Variants in CHST11 observed in about 807,000 individuals in gnomAD.
CHST11 encodes the protein C4S-1.
CHST11 carries 9 observed loss-of-function variants against 30.4 expected under a neutral mutation model. That is an observed-to-expected ratio of 0.30 (90% confidence interval 0.18 to 0.52). The LOEUF is 0.52. Among genes scored for constraint, CHST11 ranks in the 20% least tolerant of loss-of-function variants. The probability of loss-of-function intolerance (pLI) is 0.97; values close to 1 mark genes in which losing one functional copy is unlikely to be tolerated. For synonymous variants in CHST11, 152 were observed against 187.8 expected (o/e 0.81, Z 1.56); for missense variants, 348 against 460.6 (o/e 0.76, Z 2.24).
At chr12:104,563,942 C>T (rs2136018429) in intron 1 of CHST11, among the ~76,000 whole-genome samples, 1 of 152,096 alleles carries the variant, frequency 6.6e-6, no homozygotes, top group East Asian at 1.9e-4. Flanking sequence ...TAGTTACCCT[C>T]TGTGTAAGTG....
At chr12:104,756,508 A>C (rs1313733945) in intron 2 of CHST11, among the ~76,000 whole-genome samples, 1 of 144,418 alleles carries the variant, frequency 6.9e-6, no homozygotes, top group East Asian at 2.0e-4. Context: ...CACTTTATAC[A>C]TCATGAGGTC....
intron 2 of CHST11, among the ~76,000 whole-genome samples, chr12:104,718,662 C>T (rs1241222888): frequency 6.6e-6 from 1 of 152,196 alleles, no homozygotes; most frequent in Non-Finnish European, 1.5e-5. Context: ...GCAATCACTC[C>T]TACTTTAGAA....
intron 2 of CHST11, among the ~76,000 whole-genome samples, chr12:104,609,409 GA>G (rs2039037273): frequency 6.6e-6 from 1 of 152,182 alleles, no homozygotes; most frequent in Non-Finnish European, 1.5e-5. Flanking sequence ...ATAGACTAGC[GA>G]GGCCCATTGC....
At chr12:104,683,041 A>C (rs1398811083) in intron 2 of CHST11, among the ~76,000 whole-genome samples, 1 of 152,244 alleles carries the variant, frequency 6.6e-6, no homozygotes, top group African/African-American at 2.4e-5. Context: ...AAGATGTACA[A>C]ACCTCAAAAG....
intron 2 of CHST11, among the ~76,000 whole-genome samples, chr12:104,704,359 G>A (rs1592848649): frequency 6.6e-6 from 1 of 152,208 alleles, no homozygotes; most frequent in Non-Finnish European, 1.5e-5. Context: ...TGGGGCGGGG[G>A]AGGCTGCAGG....
chr12:104,753,308 G>A (rs2136147110), intron 2 of CHST11, among the ~76,000 whole-genome samples: 1 of 152,312 alleles, frequency 6.6e-6, no homozygotes, highest in Non-Finnish European at 1.5e-5. Flanking sequence ...GTAAAATGGA[G>A]ATCCTAATAA....
intron 2 of CHST11, among the ~76,000 whole-genome samples, chr12:104,624,087 C>T (rs918903024): frequency 6.6e-6 from 1 of 152,052 alleles, no homozygotes; most frequent in Non-Finnish European, 1.5e-5. Flanking sequence ...AATTGCTGAG[C>T]GGAATCTCAG....
At chr12:104,599,205 G>A (rs529894110) in intron 1 of CHST11, among the ~76,000 whole-genome samples, 32 of 152,286 alleles carry the variant, frequency 2.1e-4, no homozygotes, top group Admixed American at 7.2e-4. Context: ...GTGAAGTCAC[G>A]GGCAGGGCTG....
chr12:104,497,871 G>A (rs916884504), intron 1 of CHST11, among the ~76,000 whole-genome samples: 5 of 148,194 alleles, frequency 3.4e-5, no homozygotes, highest in African/African-American at 7.5e-5. Flanking sequence ...TCAGGGTCCC[G>A]CTCCACCCTG....
chr12:104,562,672 G>C (rs1316308905), intron 1 of CHST11, among the ~76,000 whole-genome samples: 1 of 152,160 alleles, frequency 6.6e-6, no homozygotes, highest in Non-Finnish European at 1.5e-5. Flanking sequence ...GCTCAAGGGG[G>C]CTTAGGCATT....
At chr12:104,538,977 T>C (rs1717275695) in intron 1 of CHST11, among the ~76,000 whole-genome samples, 1 of 152,202 alleles carries the variant, frequency 6.6e-6, no homozygotes, top group African/African-American at 2.4e-5. Context: ...CAGTCACACT[T>C]ATTATCCTCA....
rs759528173 is a variant in CHST11 at position 104,600,367 on chromosome 12, T to C, written c.119-1539T>C. 6.6e-6 allele frequency among the ~76,000 whole-genome samples: 1 copy of C among 152,162 alleles called. No individual in the cohort carries two copies. The highest frequency in any genetic ancestry group is 2.4e-5 in the African/African-American group (1 of 41,440). Reference sequence around the variant, plus strand: ...GAGCTGCACCCTGCTTGAGGTCTGGTCACTCCTCATCAGTCCCCTTGATAG... The same window carrying C: ...GAGCTGCACCCTGCTTGAGGTCTGGCCACTCCTCATCAGTCCCCTTGATAG... On this transcript the variant is annotated intron_variant, in intron 1 of 2. Transcript: ENST00000303694. The surrounding 1 kb of genome is among the most constrained non-coding windows in gnomAD (Gnocchi z 4.1).
intron 2 of CHST11, among the ~76,000 whole-genome samples, chr12:104,628,305 C>G (rs1470828506): frequency 6.6e-6 from 1 of 152,094 alleles, no homozygotes; most frequent in Non-Finnish European, 1.5e-5. Flanking sequence ...GACAGGTGGC[C>G]CCTCACCCCA....
intron 2 of CHST11, among the ~76,000 whole-genome samples, chr12:104,733,506 C>T (rs1051745561): frequency 6.6e-6 from 1 of 152,202 alleles, no homozygotes; most frequent in Admixed American, 6.5e-5. Context: ...TGTTGGGAGT[C>T]GCAGCCAACA....
chr12:104,557,494 AG>A (rs1353844188), intron 1 of CHST11, among the ~76,000 whole-genome samples: 5 of 151,570 alleles, frequency 3.3e-5, no homozygotes, highest in African/African-American at 1.2e-4. Flanking sequence ...GGACAGGAGA[AG>A]GGGGGCACCG....
intron 2 of CHST11, among the ~76,000 whole-genome samples, chr12:104,742,659 C>G (rs2040356520): frequency 6.6e-6 from 1 of 152,210 alleles, no homozygotes; most frequent in African/African-American, 2.4e-5. Context: ...GAAGCCCAAA[C>G]AGCTGATCTG....
chr12:104,691,626 T>C (rs2039897486), intron 2 of CHST11, among the ~76,000 whole-genome samples: 2 of 151,980 alleles, frequency 1.3e-5, no homozygotes, highest in Non-Finnish European at 2.9e-5. Flanking sequence ...TAGCTGGGAT[T>C]ACAGGCATGC....
At chr12:104,571,103 C>T (rs2038620249) in intron 1 of CHST11, among the ~76,000 whole-genome samples, 2 of 151,964 alleles carry the variant, frequency 1.3e-5, no homozygotes, top group South Asian at 4.1e-4. Context: ...ATAAGTTAAT[C>T]AGCTGAGGTC....
intron 2 of CHST11, among the ~76,000 whole-genome samples, chr12:104,740,348 A>G (rs1036310836): frequency 6.6e-6 from 1 of 152,184 alleles, no homozygotes; most frequent in Non-Finnish European, 1.5e-5. Context: ...TTTCTATTTC[A>G]TAGGAATGTT....
Sources: gnomAD v4.1 joint callset for allele counts (sites outside exome capture counted in the v4.1 genomes callset) on GRCh38, gnomAD v4.1.1 for gene constraint, Gnocchi (gnomAD v3.1) non-coding constraint, MANE v1.5 for transcripts, NCBI Gene and HGNC (gene_info 2026-07-23, HGNC 2026-07-21) for gene names.